The following SLC8A1 variants were observed in gnomAD, a reference collection of about 807,000 sequenced individuals.
The protein encoded by SLC8A1 is solute carrier family 8 member A1.
A neutral mutation model predicts 68.3 loss-of-function variants in SLC8A1; 18 were observed. The ratio of observed to expected loss-of-function variants is 0.26; its 90% CI spans 0.18 to 0.39. SLC8A1 has a LOEUF of 0.39. Among genes scored for constraint, SLC8A1 ranks in the 10% least tolerant of loss-of-function variants. SLC8A1 has a pLI of 1.00. For missense variants in SLC8A1, 985 were observed against 1,156.7 expected, an observed-to-expected ratio of 0.85 and a Z score of 2.15; for synonymous variants, 475 against 415.5, an observed-to-expected ratio of 1.14 and a Z score of -1.74.
chr2:40,397,503 T>C (rs986409510), intron 2 of SLC8A1, among the ~76,000 whole-genome samples: 1 of 152,210 alleles, frequency 6.6e-6, no homozygotes, highest in African/African-American at 2.4e-5. Flanking sequence ...AGAAGCACTG[T>C]CAACTGATTG....
intron 2 of SLC8A1, among the ~76,000 whole-genome samples, chr2:40,412,837 G>T (rs1006186924): frequency 1.3e-5 from 2 of 152,256 alleles, no homozygotes; most frequent in Middle Eastern, 3.4e-3. Flanking sequence ...TGGTATTATT[G>T]ATTCCATCTA....
intron 7 of SLC8A1, among the ~76,000 whole-genome samples, chr2:40,118,686 G>A (rs1232576396): frequency 6.8e-6 from 1 of 146,032 alleles, no homozygotes; most frequent in African/African-American, 2.5e-5. Context: ...GTCTGAGGCA[G>A]GAGAAAGCAG....
intron 1 of SLC8A1, among the ~76,000 whole-genome samples, chr2:40,503,121 G>T (rs6722707): frequency 6.6e-6 from 1 of 151,860 alleles, no homozygotes; most frequent in African/African-American, 2.4e-5. Context: ...TGTTTCTGTA[G>T]GTATGATATA....
intron 2 of SLC8A1, among the ~76,000 whole-genome samples, chr2:40,280,938 G>C (rs576124517): frequency 6.6e-6 from 1 of 152,204 alleles, no homozygotes; most frequent in Non-Finnish European, 1.5e-5. Flanking sequence ...CACGTTGTCT[G>C]TACTTCTGTT....
Position 40,217,956 on chromosome 2 carries a change from C to G in SLC8A1, c.1809-40101G>C, listed in dbSNP as rs183874274. ...TCTGAGATAAAATAGCTGTGGTAAA[C>G]AGATTGTGTGAAGGCATGCATTTGC... On this transcript the variant is annotated intron_variant, in intron 2 of 7. Coordinates refer to ENST00000406785, the Ensembl canonical transcript of SLC8A1. 5.3e-5 allele frequency among the ~76,000 whole-genome samples: 8 copies of G among 152,088 alleles called. 1 individual carries two copies. Among genetic ancestry groups the G allele is most frequent in the Admixed American group, 5.2e-4 (8 of 15,264 alleles).
At chr2:40,475,736 T>C (rs1037034426) in intron 1 of SLC8A1, among the ~76,000 whole-genome samples, 9 of 152,070 alleles carry the variant, frequency 5.9e-5, no homozygotes, top group African/African-American at 1.9e-4. Context: ...TAAAGCTCTT[T>C]AGTTGCTGAA....
intron 2 of SLC8A1, among the ~76,000 whole-genome samples, chr2:40,263,836 A>G (rs2065018568): frequency 1.3e-5 from 2 of 152,232 alleles, no homozygotes; most frequent in African/African-American, 4.8e-5. Flanking sequence ...AACAAAAGCC[A>G]AAATTGACAA....
chr2:40,238,095 G>GAGGC (rs2060659685), intron 2 of SLC8A1, among the ~76,000 whole-genome samples: 1 of 152,222 alleles, frequency 6.6e-6, no homozygotes, highest in East Asian at 1.9e-4. Context: ...GGAGCCTACA[G>GAGGC]AGGCAGGCAG....
chr2:40,177,906 A>G (rs905792076), intron 2 of SLC8A1: 18 of 1,202,760 alleles, frequency 1.5e-5, no homozygotes, highest in Non-Finnish European at 1.9e-5. Context: ...TCACACGCTC[A>G]TGCTCTTGGT....
At chr2:40,447,606 AAAG>A (rs869076385) in intron 1 of SLC8A1, among the ~76,000 whole-genome samples, 3 of 142,156 alleles carry the variant, frequency 2.1e-5, no homozygotes, top group Non-Finnish European at 3.1e-5. Context: ...AAAAAAAAAA[AAAG>A]AAAGAACATA....
chr2:40,106,287 C>A (rs896114486), exon 8 of SLC8A1: 1 of 152,114 alleles, frequency 6.6e-6, no homozygotes, highest in African/African-American at 2.4e-5. Context: ...GCCTGTAATA[C>A]CAGCACTTTG....
chr2:40,428,621 C>T, exon 2 of SLC8A1: 1 of 1,613,832 alleles, frequency 6.2e-7, no homozygotes, highest in Non-Finnish European at 8.5e-7. Flanking sequence ...TCCATGATGC[C>T]AATGCTCTCA....
At chr2:40,282,200 A>T (rs1348879184) in intron 2 of SLC8A1, among the ~76,000 whole-genome samples, 2 of 152,166 alleles carry the variant, frequency 1.3e-5, no homozygotes, top group Non-Finnish European at 2.9e-5. Flanking sequence ...ATGCTGGGAA[A>T]TTTAACTAAA....
At chr2:40,140,459 A>G (rs1412443102) in intron 6 of SLC8A1, among the ~76,000 whole-genome samples, 1 of 152,164 alleles carries the variant, frequency 6.6e-6, no homozygotes, top group African/African-American at 2.4e-5. Context: ...GCTTCCCAAC[A>G]CTTGTAACTC....
At chr2:40,169,380 G>A (rs1462129470) in intron 4 of SLC8A1, among the ~76,000 whole-genome samples, 1 of 152,180 alleles carries the variant, frequency 6.6e-6, no homozygotes, top group African/African-American at 2.4e-5. Flanking sequence ...GGTCTCTCCT[G>A]ACAATTTTTA....
At chr2:40,359,172 G>A (rs1673736068) in intron 2 of SLC8A1, among the ~76,000 whole-genome samples, 1 of 151,984 alleles carries the variant, frequency 6.6e-6, no homozygotes. Flanking sequence ...CAAAATATAT[G>A]GGCTGTAAAT....
intron 1 of SLC8A1, among the ~76,000 whole-genome samples, chr2:40,471,327 G>T (rs1397958129): frequency 3.9e-5 from 6 of 151,986 alleles, no homozygotes; most frequent in South Asian, 2.1e-4. Context: ...CACCTCAGCT[G>T]CATTTCCTTC....
At chr2:40,392,642 G>GCCTT in intron 2 of SLC8A1, among the ~76,000 whole-genome samples, 1 of 152,154 alleles carries the variant, frequency 6.6e-6, no homozygotes, top group Non-Finnish European at 1.5e-5. Context: ...AAGTTCCACA[G>GCCTT]CCTTCCAAGA....
chr2:40,451,524 T>C (rs1349213249), intron 1 of SLC8A1, among the ~76,000 whole-genome samples: 2 of 152,162 alleles, frequency 1.3e-5, no homozygotes, highest in Non-Finnish European at 2.9e-5. Context: ...CCAGCAGCTC[T>C]GCATTCGGGG....
Sources: allele counts gnomAD v4.1 joint callset (sites outside exome capture counted in the v4.1 genomes callset), GRCh38; gene constraint gnomAD v4.1.1; transcripts MANE v1.5; gene names NCBI Gene and HGNC (gene_info 2026-07-23, HGNC 2026-07-21).